Variants in SGCZ observed in about 807,000 individuals in gnomAD.
The protein encoded by SGCZ is sarcoglycan zeta.
In SGCZ, 40 loss-of-function variants were observed where a neutral mutation model predicts 41.3. The ratio of observed to expected loss-of-function variants is 0.97; its 90% confidence interval spans 0.75 to 1.26. The LOEUF is 1.26. Ranked by LOEUF, SGCZ falls within the 50% of genes most tolerant of loss-of-function variation. The pLI, the probability that SGCZ is intolerant of heterozygous loss-of-function variation, is 0.00. For missense variants in SGCZ, 552 were observed against 369.8 expected, an observed-to-expected ratio of 1.49 and a Z score of -4.04; for synonymous variants, 206 against 137.5, an observed-to-expected ratio of 1.50 and a Z score of -3.49.
At chr8:14,229,759 T>C (rs574353789) in intron 4 of SGCZ, among the ~76,000 whole-genome samples, 1 of 152,214 alleles carries the variant, frequency 6.6e-6, no homozygotes, top group East Asian at 1.9e-4. Flanking sequence ...AATTAAATGA[T>C]TCCCAGGTGT....
chr8:14,239,951 T>C (rs1798806937), intron 3 of SGCZ, among the ~76,000 whole-genome samples: 1 of 141,238 alleles, frequency 7.1e-6, no homozygotes, highest in South Asian at 2.2e-4. Flanking sequence ...TACTGCCTTA[T>C]TACACATGTT....
intron 4 of SGCZ, among the ~76,000 whole-genome samples, chr8:14,213,665 C>T (rs1054799935): frequency 6.6e-6 from 1 of 151,754 alleles, no homozygotes; most frequent in Non-Finnish European, 1.5e-5. Flanking sequence ...TATAATAGAC[C>T]TCATGAACCT....
At chr8:14,402,308 C>T (rs1428584154) in intron 2 of SGCZ, among the ~76,000 whole-genome samples, 3 of 151,326 alleles carry the variant, frequency 2.0e-5, no homozygotes, top group Non-Finnish European at 2.9e-5. Flanking sequence ...TCCCATTTGT[C>T]AATTTTGTCT....
chr8:14,249,058 A>C (rs899964140), intron 3 of SGCZ, among the ~76,000 whole-genome samples: 6 of 152,178 alleles, frequency 3.9e-5, no homozygotes, highest in Non-Finnish European at 8.8e-5. Context: ...TATTTGGTGA[A>C]ACATTATTTT....
At chr8:14,229,524 G>C (rs1806487061) in intron 4 of SGCZ, among the ~76,000 whole-genome samples, 1 of 151,924 alleles carries the variant, frequency 6.6e-6, no homozygotes, top group African/African-American at 2.4e-5. Context: ...TTAATCATTT[G>C]AAATGTATAT....
intron 1 of SGCZ, among the ~76,000 whole-genome samples, chr8:14,750,168 C>G (rs1035261254): frequency 6.6e-6 from 1 of 151,982 alleles, no homozygotes; most frequent in Non-Finnish European, 1.5e-5. Flanking sequence ...GAGAACATAT[C>G]CCATCTGTGG....
chr8:14,986,527 A>T (rs1377994910), intron 1 of SGCZ, among the ~76,000 whole-genome samples: 1 of 152,090 alleles, frequency 6.6e-6, no homozygotes. Flanking sequence ...AAAGTATTTG[A>T]TCTTAGGTAA....
rs1445983627 is a variant in SGCZ at position 14,808,548 on chromosome 8, T to C, written c.40-253622A>G. Among the ~76,000 whole-genome samples, 4 of 152,256 alleles carry C rather than the reference T, an allele frequency of 2.6e-5. No homozygotes were observed. The East Asian group carries it at 5.8e-4, about 22-fold the overall frequency. On this transcript the variant is annotated intron_variant, in intron 1 of 7. Transcript: ENST00000382080. ...CAATGAGATACCATCTCACACTAGT[T>C]AGAATGGCGATCATTAAAAAGTCAG...
chr8:14,702,221 T>A (rs1421937853), intron 1 of SGCZ, among the ~76,000 whole-genome samples: 1 of 151,968 alleles, frequency 6.6e-6, no homozygotes, highest in Non-Finnish European at 1.5e-5. Flanking sequence ...ATGCCCTCCT[T>A]GATTTCCACT....
chr8:15,049,573 T>C (rs1006621491), intron 1 of SGCZ, among the ~76,000 whole-genome samples: 4 of 152,166 alleles, frequency 2.6e-5, no homozygotes, highest in African/African-American at 4.8e-5. Context: ...AGTGGAAGCA[T>C]GGAGACCAAT....
At chr8:14,689,853 A>C (rs1417693946) in intron 1 of SGCZ, among the ~76,000 whole-genome samples, 2 of 152,308 alleles carry the variant, frequency 1.3e-5, no homozygotes, top group East Asian at 3.9e-4. Flanking sequence ...CAAAGTGAGG[A>C]CAGAGAACAC....
At chr8:14,719,288 A>G (rs1037086873) in intron 1 of SGCZ, among the ~76,000 whole-genome samples, 16 of 149,162 alleles carry the variant, frequency 1.1e-4, no homozygotes, top group Non-Finnish European at 1.8e-4. Context: ...AGTCTTTGCT[A>G]TTGTGAATAG....
intron 1 of SGCZ, among the ~76,000 whole-genome samples, chr8:14,779,119 G>A (rs1255089400): frequency 2.0e-5 from 3 of 152,128 alleles, no homozygotes; most frequent in Admixed American, 6.5e-5. Context: ...ACATAGTCCC[G>A]TGATCCTTGT....
chr8:15,123,093 A>C (rs547148634), intron 1 of SGCZ, among the ~76,000 whole-genome samples: 1 of 152,282 alleles, frequency 6.6e-6, no homozygotes, highest in South Asian at 2.1e-4. Context: ...CATTTTGTGA[A>C]GCTTTAATGC....
Position 14,797,059 on chromosome 8 carries a change from G to C in SGCZ, c.40-242133C>G, listed in dbSNP as rs7839415. 5.2e-3 allele frequency among the ~76,000 whole-genome samples: 793 copies of C among 152,242 alleles called. 7 individuals carry two copies. Among genetic ancestry groups the C allele is most frequent in the African/African-American group, 0.019 (769 of 41,522 alleles). Reference sequence around the variant, plus strand: ...CAGGTATTTCTTCATAGCAGCATGAGAGAAGACTAATATGGTAAATTGGTA... The same window carrying C: ...CAGGTATTTCTTCATAGCAGCATGACAGAAGACTAATATGGTAAATTGGTA... On this transcript the variant is annotated intron_variant, in intron 1 of 7. Transcript: ENST00000382080.
intron 3 of SGCZ, among the ~76,000 whole-genome samples, chr8:14,321,053 A>C (rs371523967): frequency 1.3e-5 from 2 of 152,040 alleles, no homozygotes; most frequent in East Asian, 3.8e-4. Context: ...TTTTGGCCTA[A>C]AGTTGGACCA....
chr8:14,727,387 T>G (rs901776466), intron 1 of SGCZ, among the ~76,000 whole-genome samples: 1 of 152,132 alleles, frequency 6.6e-6, no homozygotes, highest in Non-Finnish European at 1.5e-5. Context: ...GCTGGGAAAT[T>G]GAATGGAAAA....
At chr8:14,629,298 G>T (rs1806567354) in intron 1 of SGCZ, among the ~76,000 whole-genome samples, 1 of 151,312 alleles carries the variant, frequency 6.6e-6, no homozygotes, top group African/African-American at 2.4e-5. Context: ...CCCACAAAAA[G>T]TTATAGGTGA....
At chr8:14,873,785 A>C (rs1297430279) in intron 1 of SGCZ, among the ~76,000 whole-genome samples, 1 of 152,160 alleles carries the variant, frequency 6.6e-6, no homozygotes, top group Non-Finnish European at 1.5e-5. Context: ...TTACTTTTAA[A>C]AAACCTTGGC....
Sources: allele counts gnomAD v4.1 joint callset (sites outside exome capture counted in the v4.1 genomes callset), GRCh38; gene constraint gnomAD v4.1.1; transcripts MANE v1.5; gene names NCBI Gene and HGNC (gene_info 2026-07-23, HGNC 2026-07-21).